The following FER variants were observed in gnomAD, a reference collection of about 807,000 sequenced individuals.
The protein encoded by FER is tyrosine-protein kinase Fer.
In FER, 63 loss-of-function variants were observed where a neutral mutation model predicts 111.0. That is an observed-to-expected ratio of 0.57 (90% CI 0.46 to 0.70). The LOEUF (loss-of-function observed/expected upper bound fraction) is 0.70. Ranked by LOEUF, FER falls within the 30% of genes least tolerant of loss-of-function variation. The pLI, the probability that FER is intolerant of heterozygous loss-of-function variation, is 0.00. For missense variants in FER, 914 were observed against 954.0 expected (o/e 0.96, Z 0.55); for synonymous variants, 327 against 313.9 (o/e 1.04, Z -0.44).
At chr5:109,009,999 A>C (rs192164823) in intron 13 of FER, among the ~76,000 whole-genome samples, 16 of 152,344 alleles carry the variant, frequency 1.1e-4, no homozygotes, top group African/African-American at 3.8e-4. Context: ...AAGTAACAAG[A>C]CTAACTCAGA....
intron 6 of FER, 33 bp from the exon 7 acceptor site, chr5:108,871,332 T>C (rs778506315): frequency 6.3e-7 from 1 of 1,589,028 alleles, no homozygotes; most frequent in Non-Finnish European, 8.6e-7. Context: ...GATAAAACTT[T>C]AAAATGCTGC....
At chr5:109,137,272 T>C (rs1297214502) in intron 17 of FER, among the ~76,000 whole-genome samples, 1 of 152,210 alleles carries the variant, frequency 6.6e-6, no homozygotes, top group Non-Finnish European at 1.5e-5. Context: ...GAAAAAAGGA[T>C]GGACAAGAGG....
chr5:109,149,526 G>A (rs1754589599), intron 17 of FER, among the ~76,000 whole-genome samples: 1 of 152,040 alleles, frequency 6.6e-6, no homozygotes, highest in Non-Finnish European at 1.5e-5. Flanking sequence ...ATCCTGAAGG[G>A]ACCTCAAACA....
chr5:109,154,876 A>G (rs866649838), intron 17 of FER, among the ~76,000 whole-genome samples: 83 of 152,002 alleles, frequency 5.5e-4, no homozygotes, highest in African/African-American at 1.8e-3. Context: ...ACAAATAAAT[A>G]CTACATCTCA....
chr5:108,877,878 T>C (rs1765246827), intron 8 of FER, among the ~76,000 whole-genome samples: 1 of 152,148 alleles, frequency 6.6e-6, no homozygotes, highest in Non-Finnish European at 1.5e-5. Flanking sequence ...TTGGAAACTT[T>C]TTATTATCCA....
rs1435715442 is a variant in FER at position 108,884,524 on chromosome 5, T to TTG, written c.1046+1007_1046+1008insGT. 3.4e-4 allele frequency among the ~76,000 whole-genome samples: 47 copies of TTG among 139,958 alleles called. 1 individual carries two copies. Among genetic ancestry groups the TTG allele is most frequent in the Non-Finnish European group, 5.3e-4 (34 of 63,822 alleles). 91.8% of individuals were successfully genotyped at this position (139,958 alleles called of 152,430 possible). On this transcript the variant is annotated intron_variant, in intron 9 of 19. Transcript: ENST00000281092. ...TTTCTTATGCCTGGTTTTTTTTTTG[T>TTG]TTGTTTGTTTGTTTTTGTATTTTCT... is the stretch of plus-strand genomic sequence containing the variant.
intron 18 of FER, among the ~76,000 whole-genome samples, chr5:109,183,453 T>A (rs1484423307): frequency 6.6e-6 from 1 of 152,178 alleles, no homozygotes; most frequent in Non-Finnish European, 1.5e-5. Context: ...TTTACCATAT[T>A]GGTCAGGCTG....
intron 13 of FER, among the ~76,000 whole-genome samples, chr5:108,965,644 C>A (rs1759709505): frequency 6.6e-6 from 1 of 152,182 alleles, no homozygotes; most frequent in Admixed American, 6.5e-5. Context: ...GAGTTGTTAC[C>A]TGAAAGGGAT....
intron 17 of FER, among the ~76,000 whole-genome samples, chr5:109,169,107 CAAAGAATCACAAAATG>C (rs1163984992): frequency 1.3e-5 from 2 of 151,994 alleles, no homozygotes; most frequent in African/African-American, 4.8e-5. Flanking sequence ...TGGATTACAT[CAAAGAATCACAAAATG>C]AATAACAATC....
At chr5:108,941,144 C>T (rs1054698534) in intron 10 of FER, among the ~76,000 whole-genome samples, 8 of 152,096 alleles carry the variant, frequency 5.3e-5, no homozygotes, top group Non-Finnish European at 1.5e-5. Context: ...AGAATCTCAT[C>T]ATGGCTCAGC....
At chr5:108,960,826 T>A (rs1310993170) in intron 13 of FER, among the ~76,000 whole-genome samples, 1 of 152,208 alleles carries the variant, frequency 6.6e-6, no homozygotes, top group African/African-American at 2.4e-5. Flanking sequence ...AATACCCAGC[T>A]TCTCAAGTCA....
chr5:109,034,085 T>C (rs1187305953), intron 13 of FER, among the ~76,000 whole-genome samples: 2 of 152,174 alleles, frequency 1.3e-5, no homozygotes, highest in African/African-American at 2.4e-5. Flanking sequence ...CTTGGAAACT[T>C]ACTCCTCCCA....
At chr5:109,066,141 G>A (rs115768356) in intron 16 of FER, among the ~76,000 whole-genome samples, 2,226 of 152,062 alleles carry the variant, frequency 0.015, 44 homozygotes, top group African/African-American at 0.05. Context: ...GTTTGTCTGC[G>A]TTAGTTTCAG....
At chr5:109,176,189 T>TA (rs1260308059) in intron 17 of FER, among the ~76,000 whole-genome samples, 6 of 152,286 alleles carry the variant, frequency 3.9e-5, no homozygotes, top group Admixed American at 6.5e-5. Flanking sequence ...AAGGGATACC[T>TA]ATGTTTATTA....
At chr5:109,180,671 AGT>A in intron 17 of FER, 74 bp from the exon 18 acceptor site, 1 of 1,462,146 alleles carries the variant, frequency 6.8e-7, no homozygotes, top group African/African-American at 1.4e-5. Context: ...AAAAATGCAA[AGT>A]GTGGAAATCA....
intron 16 of FER, among the ~76,000 whole-genome samples, chr5:109,060,365 C>CT (rs148643070): frequency 6.6e-6 from 1 of 152,168 alleles, no homozygotes; most frequent in Non-Finnish European, 1.5e-5. Context: ...AGCTCAGTCT[C>CT]TTTTAAGTTG....
chr5:109,001,628 G>A (rs1025642356), intron 13 of FER, among the ~76,000 whole-genome samples: 2 of 152,164 alleles, frequency 1.3e-5, no homozygotes, highest in African/African-American at 4.8e-5. Flanking sequence ...TGGAAGTTTT[G>A]GCCAGGGCAA....
chr5:108,777,768 C>A (rs979049853), intron 2 of FER, among the ~76,000 whole-genome samples: 1 of 152,178 alleles, frequency 6.6e-6, no homozygotes, highest in African/African-American at 2.4e-5. Flanking sequence ...CAAGGAGGAG[C>A]AAGTCACATC....
chr5:109,039,520 G>T (rs1390143991), intron 14 of FER, among the ~76,000 whole-genome samples: 1 of 152,038 alleles, frequency 6.6e-6, no homozygotes, highest in African/African-American at 2.4e-5. Flanking sequence ...AGAGGGATTG[G>T]AAGCGTTACT....
Sources: gnomAD v4.1 joint callset for allele counts (sites outside exome capture counted in the v4.1 genomes callset) on GRCh38, gnomAD v4.1.1 for gene constraint, MANE v1.5 for transcripts, NCBI Gene and HGNC (gene_info 2026-07-23, HGNC 2026-07-21) for gene names.